The following PRKAA1 variants were observed in gnomAD, a reference collection of about 807,000 sequenced individuals.
PRKAA1 encodes the protein protein kinase AMP-activated catalytic subunit alpha 1.
A neutral mutation model predicts 56.9 loss-of-function variants in PRKAA1; 23 were observed. That is an observed-to-expected ratio of 0.40 (90% confidence interval 0.29 to 0.57). The LOEUF (loss-of-function observed/expected upper bound fraction) is 0.57, where lower values mean the gene tolerates loss of function less well. PRKAA1 is among the 20% of genes least tolerant of loss of function. The pLI is 0.39. For missense variants in PRKAA1, 413 were observed against 679.7 expected (o/e 0.61, Z 4.36); for synonymous variants, 226 against 227.0 (o/e 1.00, Z 0.04).
Position 40,793,312 on chromosome 5 carries a change from C to A in PRKAA1, c.127+4751G>T, listed in dbSNP as rs185916523. Among the ~76,000 whole-genome samples the A allele has an allele frequency of 1.6e-3, 239 of 152,064 alleles. 2 individuals are homozygous for A. Among genetic ancestry groups the A allele is most frequent in the Non-Finnish European group, 2.6e-3 (175 of 67,986 alleles). The stretch of plus-strand genomic sequence containing the variant: ...TAACTAGAAGGAAAAAAAAAAGATG[C>A]CTTGGAAACAATAAAGACAATTCAA... On this transcript the variant is annotated intron_variant, in intron 1 of 8. Transcript: ENST00000397128.
intron 6 of PRKAA1, among the ~76,000 whole-genome samples, 170 bp from the exon 7 acceptor site, chr5:40,765,408 G>A (rs897783901): frequency 6.6e-6 from 1 of 152,172 alleles, no homozygotes; most frequent in African/African-American, 2.4e-5. Context: ...CATTGTGTAT[G>A]TTGAGGGAAA....
At chr5:40,774,889 G>C (rs749039693) in intron 3 of PRKAA1, 2 of 1,508,056 alleles carry the variant, frequency 1.3e-6, no homozygotes, top group Admixed American at 3.5e-5. Context: ...GTCCTACAAA[G>C]TTCCTTCCAG....
intron 5 of PRKAA1, chr5:40,768,745 T>TATAA: frequency 7.6e-7 from 1 of 1,319,842 alleles, no homozygotes; most frequent in Non-Finnish European, 9.6e-7. Flanking sequence ...AAAAGTTCAT[T>TATAA]ATAAATCTAG....
rs1288765683 is a variant in PRKAA1 at position 40,759,607 on chromosome 5, G to C, written c.*3171C>G. The C allele has an allele frequency of 2.6e-5, 4 of 152,250 alleles. No individual in the cohort carries two copies. The highest frequency in any genetic ancestry group is 9.7e-5 in the African/African-American group (4 of 41,428). The allele number at this position is 152,250 out of a possible 1,614,324, so 9.4% of individuals were successfully genotyped here. A position where few individuals can be genotyped will look rare whatever the true frequency, so the allele number is the denominator to read the frequency against. Reference sequence around the variant, plus strand: ...TGAGAAGATGAGGGAAAGAATTAAGGGGAAAAAATTTGGACAGCACACACT... The same window carrying C: ...TGAGAAGATGAGGGAAAGAATTAAGCGGAAAAAATTTGGACAGCACACACT... On this transcript the variant is annotated 3_prime_UTR_variant, in exon 9 of 9. Transcript: ENST00000397128.
At chr5:40,793,669 G>A (rs1579763878) in intron 1 of PRKAA1, among the ~76,000 whole-genome samples, 1 of 152,280 alleles carries the variant, frequency 6.6e-6, no homozygotes, top group Non-Finnish European at 1.5e-5. Flanking sequence ...GGCTGTTGGT[G>A]TTTAATTACC....
chr5:40,769,001 C>T, intron 5 of PRKAA1: 1 of 1,141,774 alleles, frequency 8.8e-7, no homozygotes. Context: ...CAGCCCAGTT[C>T]CCCAAGACAT....
chr5:40,781,925 T>G (rs11749437), intron 1 of PRKAA1, among the ~76,000 whole-genome samples: 17,037 of 152,164 alleles, frequency 0.11, 1,310 homozygotes, highest in Non-Finnish European at 0.17. Context: ...TAATTAGATG[T>G]GATTAAGAGC....
intron 6 of PRKAA1, 81 bp downstream of exon 6, chr5:40,767,383 TTC>T: frequency 8.5e-7 from 1 of 1,177,172 alleles, no homozygotes; most frequent in Non-Finnish European, 1.2e-6. Context: ...ACACTGTATA[TTC>T]TGTTCTGCAA....
chr5:40,767,732 C>T (rs1166755543), intron 5 of PRKAA1, 42 bp from the exon 6 acceptor site: 1 of 1,494,764 alleles, frequency 6.7e-7, no homozygotes, highest in Non-Finnish European at 9.2e-7. Flanking sequence ...ATCATTTTAA[C>T]CTAAGATTCA....
At chr5:40,765,604 TAAC>T (rs941774564) in intron 6 of PRKAA1, among the ~76,000 whole-genome samples, 7 of 152,188 alleles carry the variant, frequency 4.6e-5, no homozygotes, top group Non-Finnish European at 8.8e-5. Flanking sequence ...GAAGATAATG[TAAC>T]AACAAGAAAA....
chr5:40,787,139 T>C (rs954907666), intron 1 of PRKAA1, among the ~76,000 whole-genome samples: 1 of 151,768 alleles, frequency 6.6e-6, no homozygotes, highest in Non-Finnish European at 1.5e-5. Context: ...ATTATATATC[T>C]AGTATAAAGG....
chr5:40,777,804 G>A (rs560667310), intron 1 of PRKAA1, among the ~76,000 whole-genome samples: 18 of 152,224 alleles, frequency 1.2e-4, no homozygotes, highest in East Asian at 5.8e-4. Context: ...CGGGAGCGGT[G>A]GCTCATGCCT....
At chr5:40,797,920 A>C (rs1304741083) in intron 1 of PRKAA1, 143 bp downstream of exon 1, 85 of 1,138,056 alleles carry the variant, frequency 7.5e-5, no homozygotes, top group Middle Eastern at 3.9e-4. Flanking sequence ...GCGGCTGGGG[A>C]GAGCTCCCGC....
chr5:40,794,729 AT>A (rs1188332321), intron 1 of PRKAA1, among the ~76,000 whole-genome samples: 2 of 126,044 alleles, frequency 1.6e-5, no homozygotes, highest in Non-Finnish European at 3.7e-5. Context: ...TCCCAGCACA[AT>A]TTGTTGAAAA....
chr5:40,796,677 C>G (rs1162725467), intron 1 of PRKAA1, among the ~76,000 whole-genome samples: 2 of 152,154 alleles, frequency 1.3e-5, no homozygotes. Context: ...CAGTTGCTTC[C>G]CTGTGGGATA....
At chr5:40,772,678 G>C (rs1025514861) in intron 3 of PRKAA1, among the ~76,000 whole-genome samples, 2 of 151,980 alleles carry the variant, frequency 1.3e-5, no homozygotes, top group Admixed American at 6.6e-5. Context: ...CTGTCATCCA[G>C]GCTGGAGTGC....
chr5:40,778,411 G>C (rs1744115734), intron 1 of PRKAA1, among the ~76,000 whole-genome samples: 1 of 152,132 alleles, frequency 6.6e-6, no homozygotes, highest in Non-Finnish European at 1.5e-5. Context: ...ATAAGAAATT[G>C]GTAACAGTGG....
intron 1 of PRKAA1, among the ~76,000 whole-genome samples, chr5:40,795,166 C>G (rs569443902): frequency 6.6e-6 from 1 of 152,190 alleles, no homozygotes; most frequent in East Asian, 1.9e-4. Flanking sequence ...GTTCTAATCA[C>G]TGATATGTGG....
chr5:40,782,605 T>C (rs1375505326), intron 1 of PRKAA1, among the ~76,000 whole-genome samples: 2 of 152,070 alleles, frequency 1.3e-5, no homozygotes, highest in East Asian at 1.9e-4. Flanking sequence ...TAAGAAAATA[T>C]AGGAGGTATG....
Sources: allele counts gnomAD v4.1 joint callset (sites outside exome capture counted in the v4.1 genomes callset), GRCh38; gene constraint gnomAD v4.1.1; transcripts MANE v1.5; gene names NCBI Gene and HGNC (gene_info 2026-07-23, HGNC 2026-07-21).